The following FETUB variants were observed in gnomAD, a reference collection of about 807,000 sequenced individuals.
FETUB encodes fetuin B.
FETUB carries 28 observed loss-of-function variants against 30.9 expected under a neutral mutation model. The ratio of observed to expected loss-of-function variants is 0.90; its 90% CI spans 0.67 to 1.24. The LOEUF is 1.24. FETUB is among the 50% of genes most tolerant of loss of function. The pLI, the probability that FETUB is intolerant of heterozygous loss-of-function variation, is 0.00. For synonymous variants in FETUB, 186 were observed against 175.9 expected (o/e 1.06, Z -0.45); for missense variants, 469 against 455.3 (o/e 1.03, Z -0.27).
Position 186,640,616 on chromosome 3 carries a change from TAACAAAGAC to T in FETUB, c.158_166del (p.Asn53_Asp55del). On this transcript the variant is annotated inframe_deletion, in exon 1 of 7. Coordinates refer to ENST00000265029, the MANE Select transcript of FETUB (RefSeq NM_014375.3). ...TTGCAGGCTTTGCCCTGCGGGATAT[TAACAAAGAC>T]AGAAAGGATGGCTATGTGCTGAGAC... 1 of 1,614,140 alleles carries T rather than the reference TAACAAAGAC, an allele frequency of 6.2e-7. No homozygotes were observed. Among genetic ancestry groups the T allele is most frequent in the Non-Finnish European group, 8.5e-7 (1 of 1,180,018 alleles).
upstream of FETUB, among the ~76,000 whole-genome samples, chr3:186,638,556 C>G (rs1218858255): frequency 6.6e-6 from 1 of 152,178 alleles, no homozygotes; most frequent in East Asian, 1.9e-4. Context: ...CCCAGGGCTC[C>G]CATACTCCAC....
In FETUB at chr3:186,640,428, A is replaced by G. The variant is rs768147568; in HGVS notation, c.-33A>G. On this transcript the variant is annotated 5_prime_UTR_variant, in exon 1 of 7. Coordinates refer to ENST00000265029, the MANE Select transcript of FETUB (RefSeq NM_014375.3). ...GCCAGCCAGTCCCTGCAGCTCCACA[A>G]ACTGACCCATCCTGGGCCTTGTTCT... 35 of 1,570,132 alleles carry G rather than the reference A, an allele frequency of 2.2e-5. No individual in the cohort carries two copies. The highest frequency in any genetic ancestry group is 5.5e-5 in the South Asian group (5 of 90,218).
intron 4 of FETUB, among the ~76,000 whole-genome samples, chr3:186,645,235 A>C (rs1021571540): frequency 2.6e-5 from 4 of 152,188 alleles, no homozygotes; most frequent in African/African-American, 9.7e-5. Context: ...CTCAAATGTG[A>C]CTGATCGTGG....
At chr3:186,639,936 T>A (rs1716908824), upstream of FETUB, among the ~76,000 whole-genome samples, 3 of 152,208 alleles carry the variant, frequency 2.0e-5, no homozygotes, top group Admixed American at 2.0e-4. Context: ...TTAAGGAATC[T>A]CAACTGTGCT....
At chr3:186,636,397 A>C (rs912112511), upstream of FETUB, among the ~76,000 whole-genome samples, 1 of 152,212 alleles carries the variant, frequency 6.6e-6, no homozygotes, top group African/African-American at 2.4e-5. Flanking sequence ...GAATGTGAGA[A>C]ACACATCCTT....
chr3:186,638,356 C>T (rs1319157185), upstream of FETUB, among the ~76,000 whole-genome samples: 1 of 152,140 alleles, frequency 6.6e-6, no homozygotes, highest in Admixed American at 6.5e-5. Context: ...GAACTCTATT[C>T]TCTTTCTACA....
At chr3:186,648,430 C>T (rs1717728564) in intron 5 of FETUB, among the ~76,000 whole-genome samples, 1 of 152,110 alleles carries the variant, frequency 6.6e-6, no homozygotes, top group South Asian at 2.1e-4. Context: ...CATTTAAATC[C>T]TCCTATTTTG....
At chr3:186,647,408 T>C (rs1436882567) in intron 5 of FETUB, among the ~76,000 whole-genome samples, 1 of 152,206 alleles carries the variant, frequency 6.6e-6, no homozygotes, top group Non-Finnish European at 1.5e-5. Flanking sequence ...ACCCTTTCAC[T>C]GCTATACTGT....
At chr3:186,645,417 G>A (rs557027443) in intron 4 of FETUB, among the ~76,000 whole-genome samples, 2 of 152,008 alleles carry the variant, frequency 1.3e-5, no homozygotes, top group African/African-American at 4.8e-5. Context: ...CTGTCACCCA[G>A]GGTGGACTCA....
At chr3:186,648,787 C>A (rs1447669) in intron 5 of FETUB, among the ~76,000 whole-genome samples, 21,495 of 152,120 alleles carry the variant, frequency 0.14, 1,651 homozygotes, top group East Asian at 0.24. Flanking sequence ...TTCTTAATTT[C>A]ATTTTTGGAT....
intron 4 of FETUB, 107 bp downstream of exon 4, chr3:186,645,027 A>C: frequency 2.4e-6 from 2 of 827,272 alleles, no homozygotes; most frequent in Non-Finnish European, 1.9e-6. Flanking sequence ...GATTAGAACC[A>C]AAATACCTTT....
intron 5 of FETUB, among the ~76,000 whole-genome samples, chr3:186,650,750 C>T (rs79014333): frequency 0.06 from 9,095 of 152,126 alleles, 327 homozygotes; most frequent in African/African-American, 0.096. Flanking sequence ...TATATTCTAA[C>T]TATTACATTT....
rs1293762448 is a variant in FETUB, at chr3:186,648,631, A to T, written c.696+2282A>T. ...ATATTAAGTTTTCAATTCCATGAAT[A>T]TGTGGTATCTTTCCATTTGTTTAGA... On this transcript the variant is annotated intron_variant, in intron 5 of 6. Transcript: ENST00000265029. Among the ~76,000 whole-genome samples the T allele has an allele frequency of 2.6e-5, 4 of 152,356 alleles. No individual in the cohort carries two copies. In the East Asian group the frequency reaches 7.7e-4, roughly 29 times the overall value.
At chr3:186,645,721 C>CTT (rs35992832) in intron 4 of FETUB, among the ~76,000 whole-genome samples, 2,149 of 79,618 alleles carry the variant, frequency 0.027, 75 homozygotes, top group African/African-American at 0.058. Flanking sequence ...CCATTCAAAT[C>CTT]TTTTTTTTTT....
chr3:186,645,367 T>A (rs1215130603), intron 4 of FETUB, among the ~76,000 whole-genome samples: 1 of 152,186 alleles, frequency 6.6e-6, no homozygotes, highest in Non-Finnish European at 1.5e-5. Flanking sequence ...CTTCTTTCTC[T>A]ATTTCATTCT....
intron 5 of FETUB, among the ~76,000 whole-genome samples, chr3:186,648,401 G>A (rs549134727): frequency 9.2e-5 from 14 of 152,290 alleles, no homozygotes; most frequent in Middle Eastern, 3.4e-3. Flanking sequence ...TAACTTTGTA[G>A]TAAGTTTTGA....
chr3:186,645,872 A>G (rs988271443), intron 4 of FETUB, among the ~76,000 whole-genome samples: 1 of 151,790 alleles, frequency 6.6e-6, no homozygotes, highest in Admixed American at 6.6e-5. Flanking sequence ...GATTACAGGC[A>G]TGCGCCACCA....
chr3:186,652,552 C>T lies in FETUB; in HGVS notation c.1070C>T (p.Pro357Leu), dbSNP rs768857199. ...EPMEEKLVVL[P>L]FPKEKARTAE... is the part of the protein sequence containing the mutation. ...ATGGAGGAGAAGCTGGTGGTCCTGC[C>T]TTTCCCCAAAGAAAAAGCACGCACT... The change falls in exon 7 of 7, where the codon CCT (proline) becomes CTT (leucine). Residue 357 changes from proline (P) to leucine (L), a missense_variant. Transcript: ENST00000265029. The T allele has an allele frequency of 1.2e-5, 20 of 1,613,902 alleles. No individual in the cohort carries two copies. The highest frequency in any genetic ancestry group is 1.7e-5 in the Non-Finnish European group (20 of 1,179,992).
rs185438450 is a variant in FETUB at position 186,645,758 on chromosome 3, C to T, written c.595-490C>T. On this transcript the variant is annotated intron_variant, in intron 4 of 6. Coordinates refer to ENST00000265029, the MANE Select transcript of FETUB (RefSeq NM_014375.3). ...TTTTTTTTTTTTTGAGACGGAGTCT[C>T]ACTCTATCGCTAGGATAGAGTGCTG... 4.6e-3 allele frequency among the ~76,000 whole-genome samples: 570 copies of T among 123,990 alleles called. 2 individuals are homozygous for T. Among genetic ancestry groups the T allele is most frequent in the Non-Finnish European group, 6.6e-3 (413 of 62,626 alleles). The allele number at this position is 123,990 out of a possible 152,430, so 81.3% of individuals were successfully genotyped here.
Sources: gnomAD v4.1 joint callset for allele counts (sites outside exome capture counted in the v4.1 genomes callset) on GRCh38, gnomAD v4.1.1 for gene constraint, MANE v1.5 for transcripts, NCBI Gene and HGNC (gene_info 2026-07-23, HGNC 2026-07-21) for gene names.